The following PLEKHA6 variants were observed in gnomAD, a reference collection of about 807,000 sequenced individuals.
The protein encoded by PLEKHA6 is pleckstrin homology domain-containing family A member 6.
Under a neutral mutation model 116.7 loss-of-function variants are expected in PLEKHA6, and 60 were observed. That is an observed-to-expected ratio of 0.51 (90% CI 0.42 to 0.64). PLEKHA6 has a LOEUF of 0.64. Among genes scored for constraint, PLEKHA6 ranks in the 30% least tolerant of loss-of-function variants. The pLI is 0.00. For synonymous variants in PLEKHA6, 489 were observed against 556.1 expected, an observed-to-expected ratio of 0.88 and a Z score of 1.70; for missense variants, 1,338 against 1,422.7, an observed-to-expected ratio of 0.94 and a Z score of 0.96.
chr1:204,303,665 C>A (rs1300959118), intron 1 of PLEKHA6, among the ~76,000 whole-genome samples: 1 of 152,134 alleles, frequency 6.6e-6, no homozygotes, highest in Non-Finnish European at 1.5e-5. Flanking sequence ...CACTCTAATA[C>A]CCCCAGGAGC....
At chr1:204,296,548 G>T (rs1670298888) in intron 1 of PLEKHA6, among the ~76,000 whole-genome samples, 1 of 152,156 alleles carries the variant, frequency 6.6e-6, no homozygotes, top group Admixed American at 6.5e-5. Flanking sequence ...CATTGCAGCG[G>T]CCCTCTAAGC....
At chr1:204,346,748 C>T in intron 1 of PLEKHA6, 2 of 795,850 alleles carry the variant, frequency 2.5e-6, no homozygotes, top group Admixed American at 2.0e-5. Context: ...ATATTTCTCC[C>T]ATTTGCTTTT....
intron 13 of PLEKHA6, 45 bp from the exon 14 acceptor site, chr1:204,245,771 T>C (rs754859533): frequency 2.9e-6 from 4 of 1,379,064 alleles, no homozygotes; most frequent in Admixed American, 1.7e-5. Flanking sequence ...CCATGAGGAG[T>C]GTCCAGCCCT....
At chr1:204,349,552 A>AG (rs1673205401) in intron 1 of PLEKHA6, among the ~76,000 whole-genome samples, 1 of 151,732 alleles carries the variant, frequency 6.6e-6, no homozygotes, top group African/African-American at 2.4e-5. Flanking sequence ...AAAAAAAAAA[A>AG]AAAAAAAGAA....
rs1558077078 is a variant in PLEKHA6, at chr1:204,257,229, C to A, written c.1524+124G>T. The A allele has an allele frequency of 1.1e-6, 1 of 924,378 alleles. No individual in the cohort carries two copies. Among genetic ancestry groups the A allele is most frequent in the Non-Finnish European group, 1.7e-6 (1 of 599,660 alleles). 57.3% of individuals were successfully genotyped at this position (924,378 alleles called of 1,614,324 possible). On this transcript the variant is annotated intron_variant, in intron 9 of 22. Transcript: ENST00000272203. This position sits in a 1 kb window ranked among gnomAD's most constrained non-coding sequence, Gnocchi z 6.5. ...CCGCTGGGCAGCACTGCTGGTCCTG[C>A]AGACAAACGGCCCAGTGGCCCCGTG...
rs544487729 is a variant in PLEKHA6, at chr1:204,254,341, A to G, written c.1524+3012T>C. ...TGGTGCTTCCTAGTGCCTGAGGCCT[A>G]TTACAAAATCGAATTGCGACACCGA... is the stretch of plus-strand genomic sequence containing the variant. On this transcript the variant is annotated intron_variant, in intron 9 of 22. Transcript: ENST00000272203. Among the ~76,000 whole-genome samples, 3 of 152,328 alleles carry G rather than the reference A, an allele frequency of 2.0e-5. No homozygotes were observed. The South Asian group carries it at 6.2e-4, about 32-fold the overall frequency.
chr1:204,308,842 T>C (rs889833590), intron 1 of PLEKHA6, among the ~76,000 whole-genome samples: 3 of 151,612 alleles, frequency 2.0e-5, no homozygotes, highest in Admixed American at 1.3e-4. Context: ...GCACCCACCA[T>C]CACGCCCGGC....
chr1:204,338,434 G>T (rs1332718306), intron 1 of PLEKHA6, among the ~76,000 whole-genome samples: 1 of 152,148 alleles, frequency 6.6e-6, no homozygotes, highest in Non-Finnish European at 1.5e-5. Context: ...TAGTTCATAA[G>T]AACTCATTAG....
chr1:204,256,756 C>G, intron 9 of PLEKHA6: 1 of 517,756 alleles, frequency 1.9e-6, no homozygotes, highest in East Asian at 3.3e-5. Context: ...GAGTGGAGCA[C>G]GGTGCGGGGA....
intron 3 of PLEKHA6, among the ~76,000 whole-genome samples, chr1:204,365,780 C>T (rs139836451): frequency 6.6e-6 from 1 of 152,256 alleles, no homozygotes; most frequent in East Asian, 1.9e-4. Flanking sequence ...ACTTACACAG[C>T]AGTGGGGGGA....
intron 3 of PLEKHA6, among the ~76,000 whole-genome samples, chr1:204,271,517 AC>A (rs1285792622): frequency 6.6e-6 from 1 of 152,152 alleles, no homozygotes; most frequent in Non-Finnish European, 1.5e-5. Flanking sequence ...AGTCACCACA[AC>A]CCTATGCAAA....
At chr1:204,244,559 C>A (rs2102591092) in intron 15 of PLEKHA6, among the ~76,000 whole-genome samples, 1 of 152,294 alleles carries the variant, frequency 6.6e-6, no homozygotes, top group Non-Finnish European at 1.5e-5. Flanking sequence ...TGTTGCTATC[C>A]TGGTATCATC....
rs144111902 is a variant in PLEKHA6 at position 204,248,800 on chromosome 1, G to C, written c.1824+21C>G. 26 of 1,609,850 alleles carry C rather than the reference G, an allele frequency of 1.6e-5. No individual in the cohort carries two copies. In the African/African-American group the frequency reaches 3.2e-4, roughly 20 times the overall value. ...CTAGTGCTGATGAGGTGGGGTGCAC[G>C]AACCCCGCTCCCTGGGTTACCGTGG... On this transcript the variant is annotated intron_variant, in intron 12 of 22. Coordinates refer to ENST00000272203, the MANE Select transcript of PLEKHA6 (RefSeq NM_014935.5).
chr1:204,273,248 T>A (rs981064850), intron 3 of PLEKHA6, among the ~76,000 whole-genome samples: 2 of 152,198 alleles, frequency 1.3e-5, no homozygotes, highest in Admixed American at 1.3e-4. Context: ...AAGGGACAAC[T>A]GACAATGTCT....
intron 1 of PLEKHA6, chr1:204,325,718 C>T (rs1359883795): frequency 6.5e-6 from 1 of 154,804 alleles, no homozygotes; most frequent in Non-Finnish European, 1.4e-5. Context: ...GGACCCTGAG[C>T]CCTGAGAAAG....
chr1:204,306,659 G>A (rs1671338426), intron 1 of PLEKHA6, among the ~76,000 whole-genome samples: 1 of 152,186 alleles, frequency 6.6e-6, no homozygotes, highest in African/African-American at 2.4e-5. Context: ...TATAAGAAAT[G>A]TTCCAGGACA....
intron 2 of PLEKHA6, among the ~76,000 whole-genome samples, chr1:204,370,336 T>A (rs1673749510): frequency 6.6e-6 from 1 of 152,232 alleles, no homozygotes; most frequent in Admixed American, 6.5e-5. Flanking sequence ...TGCCCATGAT[T>A]GACGGAGGCC....
At chr1:204,236,416 A>G (rs1034484108) in intron 17 of PLEKHA6, among the ~76,000 whole-genome samples, 1 of 152,216 alleles carries the variant, frequency 6.6e-6, no homozygotes, top group African/African-American at 2.4e-5. Flanking sequence ...GGGAGGGTCC[A>G]GAAGATATAC....
chr1:204,307,316 C>T (rs1671413256), intron 1 of PLEKHA6: 1 of 152,244 alleles, frequency 6.6e-6, no homozygotes, highest in Non-Finnish European at 1.5e-5. Flanking sequence ...TAGCGGAGAT[C>T]CCCAGGACCC....
Sources: allele counts gnomAD v4.1 joint callset (sites outside exome capture counted in the v4.1 genomes callset), GRCh38; gene constraint gnomAD v4.1.1; non-coding constraint Gnocchi (gnomAD v3.1); transcripts MANE v1.5; gene names NCBI Gene and HGNC (gene_info 2026-07-23, HGNC 2026-07-21).